The following FER1L6 variants were observed in gnomAD, a reference collection of about 807,000 sequenced individuals.
The protein encoded by FER1L6 is fer-1-like protein 6.
Under a neutral mutation model 219.2 loss-of-function variants are expected in FER1L6, and 177 were observed. The ratio of observed to expected loss-of-function variants is 0.81; its 90% CI spans 0.71 to 0.91. The LOEUF is 0.91. Among genes scored for constraint, FER1L6 ranks in the 40% least tolerant of loss-of-function variants. FER1L6 has a pLI of 0.00. For missense variants in FER1L6, 2,153 were observed against 2,259.9 expected, an observed-to-expected ratio of 0.95 and a Z score of 0.96; for synonymous variants, 768 against 824.3, an observed-to-expected ratio of 0.93 and a Z score of 1.17.
intron 18 of FER1L6, among the ~76,000 whole-genome samples, chr8:124,032,951 C>T (rs936151159): frequency 2.0e-5 from 3 of 152,122 alleles, no homozygotes; most frequent in Admixed American, 1.3e-4. Flanking sequence ...GCATTTTAAC[C>T]AGATGCCCTG....
chr8:123,949,489 C>G (rs1005850506), intron 1 of FER1L6, among the ~76,000 whole-genome samples: 3 of 152,184 alleles, frequency 2.0e-5, no homozygotes, highest in Non-Finnish European at 4.4e-5. Context: ...ATACCCTTCT[C>G]TTTACCCTAG....
chr8:123,898,823 G>GTA lies in FER1L6; in HGVS notation c.-8+46651_-8+46652dup, dbSNP rs753954470. ...TATATACACATATATATACATATGT[G>GTA]TATATATATATATACATACATATAT... On this transcript the variant is annotated intron_variant, in intron 1 of 40. Coordinates refer to ENST00000522917, the MANE Select transcript of FER1L6 (RefSeq NM_001039112.2). Among the ~76,000 whole-genome samples the GTA allele has an allele frequency of 4.6e-3, 494 of 108,178 alleles. 3 individuals carry two copies. Among genetic ancestry groups the GTA allele is most frequent in the African/African-American group, 9.5e-3 (284 of 29,758 alleles). 71.0% of individuals were successfully genotyped at this position (108,178 alleles called of 152,430 possible). A position where few individuals can be genotyped will look rare whatever the true frequency, so the allele number is the denominator to read the frequency against.
chr8:124,091,899 G>A (rs1822050466), intron 34 of FER1L6, among the ~76,000 whole-genome samples: 1 of 151,780 alleles, frequency 6.6e-6, no homozygotes, highest in Admixed American at 6.6e-5. Context: ...CTCAAGAGGT[G>A]GAGGTTGCAG....
At chr8:123,988,602 C>T (rs551063847) in intron 12 of FER1L6, among the ~76,000 whole-genome samples, 1 of 152,216 alleles carries the variant, frequency 6.6e-6, no homozygotes, top group Non-Finnish European at 1.5e-5. Flanking sequence ...AATGGGATTA[C>T]TTTCTTGATT....
At chr8:124,069,336 C>T in intron 28 of FER1L6, 24 bp from the exon 29 acceptor site, 1 of 1,567,294 alleles carries the variant, frequency 6.4e-7, no homozygotes, top group Non-Finnish European at 8.8e-7. Flanking sequence ...CATGAGAAAC[C>T]TAATTTCTGC....
intron 19 of FER1L6, chr8:124,036,291 T>C (rs1300043276): frequency 1.3e-5 from 2 of 152,186 alleles, no homozygotes; most frequent in Non-Finnish European, 2.9e-5. Flanking sequence ...TGCTCAATAG[T>C]CAGAGAATAC....
At chr8:123,997,727 C>G (rs965257576) in intron 12 of FER1L6, among the ~76,000 whole-genome samples, 9 of 152,010 alleles carry the variant, frequency 5.9e-5, no homozygotes, top group Non-Finnish European at 8.8e-5. Flanking sequence ...TTTGCTTCCT[C>G]TGTGTATTTT....
intron 25 of FER1L6, among the ~76,000 whole-genome samples, chr8:124,062,254 G>A (rs1165339928): frequency 1.3e-5 from 2 of 152,152 alleles, no homozygotes; most frequent in Non-Finnish European, 2.9e-5. Flanking sequence ...CCTTGAATAT[G>A]ACTTAAGCTC....
At chr8:124,046,275 G>A (rs1374316259) in intron 21 of FER1L6, 1 of 164,098 alleles carries the variant, frequency 6.1e-6, no homozygotes, top group Non-Finnish European at 1.3e-5. Context: ...ATGCTTTTTG[G>A]AGACAGGAGG....
At chr8:123,858,394 T>C (rs1402483174) in intron 1 of FER1L6, among the ~76,000 whole-genome samples, 2 of 152,320 alleles carry the variant, frequency 1.3e-5, no homozygotes, top group East Asian at 3.9e-4. Flanking sequence ...GAAGATGTAT[T>C]AGTTAAGGCA....
intron 39 of FER1L6, among the ~76,000 whole-genome samples, chr8:124,112,046 G>T (rs1172844704): frequency 1.3e-5 from 2 of 152,112 alleles, no homozygotes; most frequent in Non-Finnish European, 2.9e-5. Flanking sequence ...CAGAGTAAAT[G>T]GTGTAATGGA....
At chr8:124,012,333 T>C (rs1817976885) in intron 14 of FER1L6, among the ~76,000 whole-genome samples, 1 of 152,254 alleles carries the variant, frequency 6.6e-6, no homozygotes, top group Non-Finnish European at 1.5e-5. Flanking sequence ...GGTCACAGAC[T>C]GTCTTGGTTG....
At chr8:124,005,368 T>C (rs1164806608) in intron 13 of FER1L6, among the ~76,000 whole-genome samples, 1 of 152,250 alleles carries the variant, frequency 6.6e-6, no homozygotes, top group African/African-American at 2.4e-5. Flanking sequence ...TTCTTTCTTC[T>C]ATTCCAAACT....
intron 32 of FER1L6, among the ~76,000 whole-genome samples, chr8:124,077,484 G>A (rs1484786266): frequency 6.6e-6 from 1 of 152,152 alleles, no homozygotes; most frequent in Non-Finnish European, 1.5e-5. Flanking sequence ...TTGCTCCTGA[G>A]GAAATGAGGG....
intron 37 of FER1L6, among the ~76,000 whole-genome samples, chr8:124,100,530 G>A (rs1389148135): frequency 1.3e-5 from 2 of 152,152 alleles, no homozygotes; most frequent in African/African-American, 2.4e-5. Flanking sequence ...ATGGGTGCAG[G>A]CAGCCCTCCC....
chr8:123,976,184 C>T (rs1254200691), intron 9 of FER1L6, 100 bp downstream of exon 9: 38 of 1,034,914 alleles, frequency 3.7e-5, no homozygotes, highest in Non-Finnish European at 5.2e-5. Context: ...TTAGGAAGTG[C>T]CTTGAAAGCA....
chr8:124,010,562 C>A, intron 13 of FER1L6, 32 bp from the exon 14 acceptor site: 1 of 1,610,154 alleles, frequency 6.2e-7, no homozygotes, highest in South Asian at 1.1e-5. Flanking sequence ...CACTGATTAC[C>A]AGCTAACTTC....
chr8:124,035,118 TG>T (rs1227795573), intron 18 of FER1L6, among the ~76,000 whole-genome samples, 158 bp from the exon 19 acceptor site: 1 of 152,190 alleles, frequency 6.6e-6, no homozygotes, highest in African/African-American at 2.4e-5. Context: ...TCAAGGCAAT[TG>T]GGGCCATTGT....
At chr8:124,118,708 A>G in intron 39 of FER1L6, 136 bp from the exon 40 acceptor site, 1 of 749,774 alleles carries the variant, frequency 1.3e-6, no homozygotes, top group Non-Finnish European at 2.1e-6. Flanking sequence ...AAAAGCAACA[A>G]CATTTATCAA....
Sources: allele counts gnomAD v4.1 joint callset (sites outside exome capture counted in the v4.1 genomes callset), GRCh38; gene constraint gnomAD v4.1.1; transcripts MANE v1.5; gene names NCBI Gene and HGNC (gene_info 2026-07-23, HGNC 2026-07-21).